SH3GL1: variants seen among roughly 807,000 people sequenced by gnomAD.
The protein encoded by SH3GL1 is SH3 domain containing GRB2 like 1, endophilin A2.
Under a neutral mutation model 48.8 loss-of-function variants are expected in SH3GL1, and 21 were observed. The observed-to-expected ratio is 0.43, with a 90% CI of 0.30 to 0.62. SH3GL1 has a LOEUF of 0.62. SH3GL1 is among the 20% of genes least tolerant of loss of function. The pLI is 0.11. For synonymous variants in SH3GL1, 282 were observed against 217.5 expected, an observed-to-expected ratio of 1.30 and a Z score of -2.61; for missense variants, 454 against 503.0, an observed-to-expected ratio of 0.90 and a Z score of 0.93.
chr19:4,364,019 T>G, intron 5 of SH3GL1, 69 bp downstream of exon 5: 1 of 1,606,506 alleles, frequency 6.2e-7, no homozygotes, highest in South Asian at 1.1e-5. Context: ...GAGGTGAGGG[T>G]GGCAGGAATG....
In SH3GL1 at chr19:4,361,421, G is replaced by A. The variant is rs534153580; in HGVS notation, c.*179C>T. On this transcript the variant is annotated 3_prime_UTR_variant, in exon 10 of 10. Coordinates refer to ENST00000269886, the MANE Select transcript of SH3GL1 (RefSeq NM_003025.4). ...GTAAACAGGCATCCCCACCCACCCA[G>A]ATAAGCCCCCCCACCCAAGTGTGGG... The A allele has an allele frequency of 1.7e-4, 103 of 596,894 alleles. 1 individual carries two copies. The African/African-American group carries it at 1.9e-3, about 11-fold the overall frequency. 37.0% of individuals were successfully genotyped at this position (596,894 alleles called of 1,614,324 possible).
Position 4,390,936 on chromosome 19 carries a change from A to G in SH3GL1, c.45+9388T>C, listed in dbSNP as rs182263533. Reference sequence around the variant, plus strand: ...GGCAGCATGCTCCAAATTAAACACGACGTTTCCCCAGATCAGATCAGTTGC... The same window carrying G: ...GGCAGCATGCTCCAAATTAAACACGGCGTTTCCCCAGATCAGATCAGTTGC... On this transcript the variant is annotated intron_variant, in intron 1 of 9. Transcript: ENST00000269886. Among the ~76,000 whole-genome samples the G allele has an allele frequency of 1.4e-3, 208 of 152,274 alleles. 5 individuals carry two copies. Among genetic ancestry groups the G allele is most frequent in the African/African-American group, 4.5e-3 (186 of 41,560 alleles).
At chr19:4,385,720 T>A (rs1973223361) in intron 1 of SH3GL1, among the ~76,000 whole-genome samples, 1 of 152,088 alleles carries the variant, frequency 6.6e-6, no homozygotes, top group Admixed American at 6.5e-5. Context: ...GAGGCTGCTG[T>A]GGGAAGGCTG....
rs1263555299 is a variant in SH3GL1, at chr19:4,367,012, G to A, written c.46-18C>T. 1 of 1,613,140 alleles carries A rather than the reference G, an allele frequency of 6.2e-7. No individual in the cohort carries two copies. The highest frequency in any genetic ancestry group is 8.5e-7 in the Non-Finnish European group (1 of 1,179,154). ...CTGACCAGCTAGAGGACAGAAGAGG[G>A]GAAACGCTGTGAGCCCAGGGGTAGG... is the stretch of plus-strand genomic sequence containing the variant. On this transcript the variant is annotated intron_variant, in intron 1 of 9. Transcript: ENST00000269886. This position sits in a 1 kb window ranked among gnomAD's most constrained non-coding sequence, Gnocchi z 4.2.
At chr19:4,378,973 C>A (rs1973066713) in intron 1 of SH3GL1, among the ~76,000 whole-genome samples, 1 of 152,212 alleles carries the variant, frequency 6.6e-6, no homozygotes, top group Non-Finnish European at 1.5e-5. Flanking sequence ...CTCACAGGAC[C>A]ACGCACACCA....
At chr19:4,370,311 T>A (rs1004746317) in intron 1 of SH3GL1, among the ~76,000 whole-genome samples, 2 of 152,204 alleles carry the variant, frequency 1.3e-5, no homozygotes, top group African/African-American at 4.8e-5. Flanking sequence ...CCCTGACTAG[T>A]GCAGCGGACT....
intron 1 of SH3GL1, chr19:4,395,969 T>C (rs1973418386): frequency 6.6e-6 from 1 of 152,030 alleles, no homozygotes; most frequent in African/African-American, 2.4e-5. Context: ...GGTGTACATA[T>C]ACACATAAAA....
chr19:4,365,518 G>A lies in SH3GL1; in HGVS notation c.295C>T (p.Arg99Cys), dbSNP rs868490265. Residue 99 changes from arginine to cysteine, a missense_variant, in exon 4 of 10, where the codon CGC becomes TGC. Coordinates refer to ENST00000269886, the MANE Select transcript of SH3GL1 (RefSeq NM_003025.4). ...SEGLLGECMIRHGKELGGESN... is the reference protein window; with the variant it reads ...SEGLLGECMICHGKELGGESN... ...TCGCCGCCCAGCTCCTTCCCGTGGC[G>A]GATCATGCACTCGCCCAGAAGCCCC... The A allele has an allele frequency of 3.1e-6, 5 of 1,613,874 alleles. No homozygotes were observed. Among genetic ancestry groups the A allele is most frequent in the East Asian group, 2.2e-5 (1 of 44,886 alleles).
intron 4 of SH3GL1, among the ~76,000 whole-genome samples, 181 bp downstream of exon 4, chr19:4,365,301 G>C (rs1461666164): frequency 6.6e-6 from 1 of 152,170 alleles, no homozygotes; most frequent in Non-Finnish European, 1.5e-5. Context: ...GGCCCTATCA[G>C]CTGCTGGCCA....
At chr19:4,375,250 G>A (rs888874735) in intron 1 of SH3GL1, among the ~76,000 whole-genome samples, 2 of 152,162 alleles carry the variant, frequency 1.3e-5, no homozygotes, top group African/African-American at 4.8e-5. Flanking sequence ...TGGCCCAGCT[G>A]CCGCCTCTGG....
rs1972575791 is a variant in SH3GL1, at chr19:4,360,510, C to G, written c.*1090G>C. The stretch of plus-strand genomic sequence containing the variant: ...GAGGGGGGTGCAGGGCAGGGCAGAG[C>G]AGAGCCTGGGGTCCGGAGGCTTCAC... On this transcript the variant is annotated 3_prime_UTR_variant, in exon 10 of 10. Coordinates refer to ENST00000269886, the MANE Select transcript of SH3GL1 (RefSeq NM_003025.4). 1 of 234,092 alleles carries G rather than the reference C, an allele frequency of 4.3e-6. No individual in the cohort carries two copies. 14.5% of individuals were successfully genotyped at this position (234,092 alleles called of 1,614,324 possible).
At chr19:4,383,624 T>C (rs753714495) in intron 1 of SH3GL1, among the ~76,000 whole-genome samples, 8 of 152,286 alleles carry the variant, frequency 5.3e-5, no homozygotes, top group Non-Finnish European at 1.2e-4. Context: ...AGAGAACTGC[T>C]CTCACACATG....
At chr19:4,371,549 TTTTG>T (rs957656021) in intron 1 of SH3GL1, among the ~76,000 whole-genome samples, 2 of 152,252 alleles carry the variant, frequency 1.3e-5, no homozygotes, top group African/African-American at 2.4e-5. Context: ...ATTCACAGGG[TTTTG>T]TTTTTTTTTC....
At chr19:4,375,454 C>A (rs1249348372) in intron 1 of SH3GL1, among the ~76,000 whole-genome samples, 1 of 152,244 alleles carries the variant, frequency 6.6e-6, no homozygotes, top group African/African-American at 2.4e-5. Context: ...GGCGAGGAAT[C>A]TGGGAGCAGG....
chr19:4,365,621 C>T lies in SH3GL1; in HGVS notation c.192G>A (p.Ser64=), dbSNP rs572316012. 65 of 1,613,990 alleles carry T rather than the reference C, an allele frequency of 4.0e-5. No individual in the cohort carries two copies. In the African/African-American group the frequency reaches 6.1e-4, roughly 15 times the overall value. The change falls in exon 4 of 10, where the codon TCG becomes TCA. Residue 64 remains serine (S), a synonymous_variant. Transcript: ENST00000269886. ...TIEYLQPNPA[S]RAKLTMLNTV... is the part of the protein sequence containing the mutation. ...TGTTGAGCATGGTCAGCTTAGCCCG[C>T]GAGGCTGGGATAGGATGGCCAGGTG...
At chr19:4,385,707 G>T (rs566427486) in intron 1 of SH3GL1, among the ~76,000 whole-genome samples, 1 of 152,200 alleles carries the variant, frequency 6.6e-6, no homozygotes, top group Non-Finnish European at 1.5e-5. Flanking sequence ...GGGGCTAGCC[G>T]GGGAGGCTGC....
chr19:4,382,546 C>T (rs113786689), intron 1 of SH3GL1, among the ~76,000 whole-genome samples: 3 of 152,146 alleles, frequency 2.0e-5, no homozygotes, highest in South Asian at 2.1e-4. Context: ...CGTGAGCCAC[C>T]GCGCCCGGCC....
In SH3GL1 at chr19:4,392,771, G is replaced by A. The variant is rs368645345; in HGVS notation, c.45+7553C>T. On this transcript the variant is annotated intron_variant, in intron 1 of 9. Transcript: ENST00000269886. The stretch of plus-strand genomic sequence containing the variant: ...AGCCTGGCCAACAAGGCGAAACCCC[G>A]TTTCTACTAAAAATACAAAAATTAG... Among the ~76,000 whole-genome samples the A allele has an allele frequency of 3.3e-5, 5 of 151,864 alleles. No individual in the cohort carries two copies. The East Asian group carries it at 5.8e-4, about 18-fold the overall frequency.
chr19:4,375,907 G>C (rs1411019711), intron 1 of SH3GL1, among the ~76,000 whole-genome samples: 2 of 152,244 alleles, frequency 1.3e-5, no homozygotes, highest in Non-Finnish European at 2.9e-5. Flanking sequence ...CTGCGTCCAG[G>C]GGGCAGAGTG....
Sources: gnomAD v4.1 joint callset for allele counts (sites outside exome capture counted in the v4.1 genomes callset) on GRCh38, gnomAD v4.1.1 for gene constraint, Gnocchi (gnomAD v3.1) non-coding constraint, MANE v1.5 for transcripts, NCBI Gene and HGNC (gene_info 2026-07-23, HGNC 2026-07-21) for gene names.